The following FGF14 variants were observed in gnomAD, a reference collection of about 807,000 sequenced individuals.
FGF14 encodes fibroblast growth factor 14.
Under a neutral mutation model 25.5 loss-of-function variants are expected in FGF14, and 5 were observed. The observed-to-expected ratio is 0.20, with a 90% CI of 0.10 to 0.41. The LOEUF (loss-of-function observed/expected upper bound fraction) is 0.41, where lower values mean the gene tolerates loss of function less well. Ranked by LOEUF, FGF14 falls within the 10% of genes least tolerant of loss-of-function variation. The probability of loss-of-function intolerance (pLI) is 1.00; values close to 1 mark genes in which losing one functional copy is unlikely to be tolerated. For missense variants in FGF14, 222 were observed against 320.1 expected (o/e 0.69, Z 2.34); for synonymous variants, 138 against 118.3 (o/e 1.17, Z -1.08).
intron 1 of FGF14, among the ~76,000 whole-genome samples, chr13:102,146,267 G>C (rs2046850313): frequency 6.6e-6 from 1 of 152,158 alleles, no homozygotes; most frequent in African/African-American, 2.4e-5. Flanking sequence ...CCTTGAAGAA[G>C]TCACTAGCTG....
intron 1 of FGF14, among the ~76,000 whole-genome samples, chr13:102,217,230 CAGAAA>C (rs2050413003): frequency 6.6e-6 from 1 of 152,118 alleles, no homozygotes; most frequent in Admixed American, 6.5e-5. Context: ...CACTAATTCC[CAGAAA>C]AGAAAACTTG....
intron 3 of FGF14, among the ~76,000 whole-genome samples, chr13:101,817,547 T>A (rs966016010): frequency 1.3e-5 from 2 of 152,234 alleles, no homozygotes; most frequent in African/African-American, 4.8e-5. Context: ...TCTCTAATGC[T>A]ATTACTTGGT....
chr13:101,853,840 C>T (rs1170599255), intron 3 of FGF14, among the ~76,000 whole-genome samples: 1 of 151,968 alleles, frequency 6.6e-6, no homozygotes, highest in Non-Finnish European at 1.5e-5. Context: ...GACTGATACT[C>T]AAGTATTCAT....
chr13:102,010,109 T>C (rs1184625223), intron 1 of FGF14, among the ~76,000 whole-genome samples: 1 of 152,186 alleles, frequency 6.6e-6, no homozygotes, highest in Non-Finnish European at 1.5e-5. Context: ...CTGGGCCCTA[T>C]TTAGTTATTT....
At chr13:101,897,842 A>G (rs2030925403) in intron 1 of FGF14, among the ~76,000 whole-genome samples, 1 of 152,192 alleles carries the variant, frequency 6.6e-6, no homozygotes, top group African/African-American at 2.4e-5. Flanking sequence ...ATGATGTTCA[A>G]TGGTTATGCT....
At chr13:101,874,000 G>A (rs1022429830) in intron 2 of FGF14, among the ~76,000 whole-genome samples, 1 of 151,852 alleles carries the variant, frequency 6.6e-6, no homozygotes, top group African/African-American at 2.4e-5. Flanking sequence ...CAATTAAAAA[G>A]GAATTGAAGA....
chr13:102,300,938 T>TACAC (rs3066020), intron 1 of FGF14, among the ~76,000 whole-genome samples: 157 of 76,920 alleles, frequency 2.0e-3, no homozygotes, highest in African/African-American at 5.6e-3. Context: ...CACACACACA[T>TACAC]ACACACACAC....
chr13:102,083,024 C>T (rs920110806), intron 1 of FGF14, among the ~76,000 whole-genome samples: 1 of 152,230 alleles, frequency 6.6e-6, no homozygotes, highest in African/African-American at 2.4e-5. Context: ...TTTTTCTACA[C>T]AATCACTTGC....
At chr13:101,825,230 A>T (rs2042344018) in intron 3 of FGF14, among the ~76,000 whole-genome samples, 1 of 152,170 alleles carries the variant, frequency 6.6e-6, no homozygotes, top group Admixed American at 6.5e-5. Flanking sequence ...GTGAGATCTG[A>T]CACTAACTCC....
At chr13:101,739,128 T>TAC (rs1461492142) in intron 3 of FGF14, among the ~76,000 whole-genome samples, 1 of 147,592 alleles carries the variant, frequency 6.8e-6, no homozygotes, top group Non-Finnish European at 1.5e-5. Flanking sequence ...TATATATATA[T>TAC]ATACCATTAC....
intron 3 of FGF14, among the ~76,000 whole-genome samples, chr13:101,844,678 A>G (rs1380401111): frequency 1.3e-5 from 2 of 152,040 alleles, no homozygotes; most frequent in Non-Finnish European, 2.9e-5. Context: ...ATAAAATATA[A>G]TCATTACATA....
intron 1 of FGF14, among the ~76,000 whole-genome samples, chr13:101,980,887 A>G (rs1008385760): frequency 2.0e-5 from 3 of 152,192 alleles, no homozygotes; most frequent in African/African-American, 7.2e-5. Context: ...TGATAGTATT[A>G]GGAGGTAGAG....
rs59739418 is a variant in FGF14, at chr13:102,401,078, T to C, written c.208+393A>G. Among the ~76,000 whole-genome samples, 182 of 152,170 alleles carry C rather than the reference T, an allele frequency of 1.2e-3. 2 individuals carry two copies. In the South Asian group the frequency reaches 0.015, roughly 13 times the overall value. On this transcript the variant is annotated intron_variant, in intron 1 of 4. Transcript: ENST00000376131. ...GGTTCTCGGAACCCAGCTACGTCCC[T>C]CGAACCTGCTGCAGAAGTAAGGGGA...
intron 1 of FGF14, among the ~76,000 whole-genome samples, chr13:102,335,797 C>T (rs943948661): frequency 1.3e-5 from 2 of 152,188 alleles, no homozygotes; most frequent in African/African-American, 4.8e-5. Context: ...CTCTGTGTCA[C>T]ATTCCAGTAA....
At position 102,149,391 on chromosome 13, in the gene FGF14, T is replaced by C. The variant is rs187490703; in HGVS notation, c.208+252080A>G. Among the ~76,000 whole-genome samples, 731 of 152,310 alleles carry C rather than the reference T, an allele frequency of 4.8e-3. 4 individuals carry two copies. The highest frequency in any genetic ancestry group is 6.8e-3 in the Non-Finnish European group (460 of 68,034). On this transcript the variant is annotated intron_variant, in intron 1 of 4. Coordinates refer to the FGF14 transcript ENST00000376131. ...AATAAGTCAACAGGCTTCTGTACCA[T>C]AGCACTTCTTAAAGCCTTTATTATA...
chr13:101,821,841 G>C (rs2140240684), intron 3 of FGF14, among the ~76,000 whole-genome samples: 1 of 152,212 alleles, frequency 6.6e-6, no homozygotes, highest in Admixed American at 6.5e-5. Flanking sequence ...GTGAAGTGCT[G>C]TTTCAATTTA....
intron 1 of FGF14, among the ~76,000 whole-genome samples, chr13:102,365,829 T>A (rs910491247): frequency 6.6e-6 from 1 of 152,160 alleles, no homozygotes; most frequent in Non-Finnish European, 1.5e-5. Context: ...ATTTTTTGTA[T>A]ATGTAGACCT....
At position 102,161,703 on chromosome 13, in the gene FGF14, G is replaced by GTACCCC. The variant is rs1566765989; in HGVS notation, c.208+239767_208+239768insGGGGTA. On this transcript the variant is annotated intron_variant, in intron 1 of 4. Transcript: ENST00000376131. The stretch of plus-strand genomic sequence containing the variant: ...AGAAGAAGAAGAAGAAGAAGAAGAA[G>GTACCCC]AAGAAGAAGAAGAAGAAGAAGAATA... Among the ~76,000 whole-genome samples the GTACCCC allele has an allele frequency of 3.6e-4, 53 of 148,300 alleles. 2 individuals are homozygous for GTACCCC. The highest frequency in any genetic ancestry group is 1.0e-3 in the African/African-American group (41 of 40,078).
intron 1 of FGF14, among the ~76,000 whole-genome samples, chr13:102,118,385 C>G (rs566950433): frequency 1.4e-3 from 137 of 101,014 alleles, no homozygotes; most frequent in African/African-American, 6.4e-3. Context: ...TTTTTTTAAA[C>G]TTTGACAACG....
Sources: allele counts gnomAD v4.1 joint callset (sites outside exome capture counted in the v4.1 genomes callset), GRCh38; gene constraint gnomAD v4.1.1; transcripts MANE v1.5; gene names NCBI Gene and HGNC (gene_info 2026-07-23, HGNC 2026-07-21).